The following ALDH3A2 variants were observed in gnomAD, a reference collection of about 807,000 sequenced individuals.
The protein encoded by ALDH3A2 is aldehyde dehydrogenase family 3 member A2.
In ALDH3A2, 36 loss-of-function variants were observed where a neutral mutation model predicts 51.3. The observed-to-expected ratio is 0.70, with a 90% CI of 0.54 to 0.93. The LOEUF (loss-of-function observed/expected upper bound fraction) is 0.93, where lower values mean the gene tolerates loss of function less well. Among genes scored for constraint, ALDH3A2 ranks in the 40% least tolerant of loss-of-function variants. ALDH3A2 has a pLI of 0.00. For missense variants in ALDH3A2, 552 were observed against 603.1 expected (o/e 0.92, Z 0.89); for synonymous variants, 199 against 219.8 (o/e 0.91, Z 0.84).
intron 8 of ALDH3A2, among the ~76,000 whole-genome samples, chr17:19,670,563 CTTT>C (rs112210347): frequency 2.2e-5 from 3 of 137,608 alleles, no homozygotes; most frequent in East Asian, 2.1e-4. Flanking sequence ...CTCCCTTATT[CTTT>C]TTTTTTTTTT....
intron 1 of ALDH3A2, among the ~76,000 whole-genome samples, chr17:19,650,385 A>G (rs1241042163): frequency 6.6e-6 from 1 of 151,998 alleles, no homozygotes; most frequent in Non-Finnish European, 1.5e-5. Context: ...AGGCTCAAGC[A>G]GTCCTCCTGC....
At chr17:19,656,643 C>G in intron 4 of ALDH3A2, 69 bp downstream of exon 4, 1 of 1,431,932 alleles carries the variant, frequency 7.0e-7, no homozygotes, top group South Asian at 1.2e-5. Flanking sequence ...CAATGTTACT[C>G]TTTGTACTTG....
At chr17:19,648,240 G>GACTA (rs1385870132), upstream of ALDH3A2, 1 of 152,406 alleles carries the variant, frequency 6.6e-6, no homozygotes, top group Non-Finnish European at 1.5e-5. Flanking sequence ...CGCCCTCAGG[G>GACTA]ACTAGCTCTC....
rs375078986 is a variant in ALDH3A2 at position 19,661,284 on chromosome 17, C to G, written c.940+16C>G. 6.8e-6 allele frequency: 11 copies of G among 1,613,926 alleles called. No individual in the cohort carries two copies. The African/African-American group carries it at 1.1e-4, about 16-fold the overall frequency. The stretch of plus-strand genomic sequence containing the variant: ...CGCTACATAGGTAATGGAAATTCTC[C>G]TTTTCCTATGGGAAGATGGCAATTT... On this transcript the variant is annotated intron_variant, in intron 6 of 9. Transcript: ENST00000176643.
At chr17:19,673,270 A>G in intron 9 of ALDH3A2, 1 of 1,613,960 alleles carries the variant, frequency 6.2e-7, no homozygotes, top group Non-Finnish European at 8.5e-7. Flanking sequence ...GTCTGTTAAG[A>G]GTGAGGTAGG....
Position 19,652,532 on chromosome 17 carries a change from TTTTAC to T in ALDH3A2, c.386-10_386-6del, listed in dbSNP as rs768566352. On this transcript the variant is annotated splice_polypyrimidine_tract_variant and intron_variant, in intron 2 of 9. Coordinates refer to ENST00000176643, the MANE Select transcript of ALDH3A2 (RefSeq NM_000382.3). ...AAATATTAGATGATACTGTTCTACT[TTTTAC>T]TTTATTTAGGAAATGCTGTGATTAT... 2 of 1,597,910 alleles carry T rather than the reference TTTTAC, an allele frequency of 1.3e-6. No homozygotes were observed. The highest frequency in any genetic ancestry group is 1.3e-5 in the African/African-American group (1 of 74,572).
At chr17:19,669,217 C>T (rs1342982438) in intron 8 of ALDH3A2, among the ~76,000 whole-genome samples, 1 of 151,842 alleles carries the variant, frequency 6.6e-6, no homozygotes, top group South Asian at 2.1e-4. Context: ...GCAGAAGAAT[C>T]GCTTGAACCT....
Position 19,671,785 on chromosome 17 carries a change from C to T in ALDH3A2, c.1272C>T (p.Pro424=). 2 of 1,614,188 alleles carry T rather than the reference C, an allele frequency of 1.2e-6. No homozygotes were observed. The highest frequency in any genetic ancestry group is 1.7e-6 in the Non-Finnish European group (2 of 1,180,018). ...TTGATACTTTTTCTCATCAGCGTCC[C>T]TGTTTATTAAAAAGTTTAAAGAGAG... is the stretch of plus-strand genomic sequence containing the variant. ...HSFDTFSHQR[P]CLLKSLKREG... is the part of the protein sequence containing the mutation. The change falls in exon 9 of 10, where the codon CCC becomes CCT. Residue 424 remains proline, a synonymous_variant. Transcript: ENST00000176643.
chr17:19,673,181 C>T, intron 9 of ALDH3A2: 1 of 1,614,122 alleles, frequency 6.2e-7, no homozygotes, highest in Non-Finnish European at 8.5e-7. Flanking sequence ...GAGAAAGGCC[C>T]TGTTGATTTT....
chr17:19,670,964 AGCCTGGCCT>A (rs2085105046), intron 8 of ALDH3A2, among the ~76,000 whole-genome samples: 2 of 152,098 alleles, frequency 1.3e-5, no homozygotes, highest in Non-Finnish European at 2.9e-5. Context: ...TCCTTCCTGC[AGCCTGGCCT>A]TGGTAAACTG....
rs1324115792 is a variant in ALDH3A2 at position 19,673,226 on chromosome 17, CAG to C, written c.1443+1274_1443+1275del. ...TCACAGACTGCGTTGGTCCAGTAAG[CAG>C]AGATGAACACCAGATTTCAAAACCC... On this transcript the variant is annotated intron_variant, in intron 9 of 9. Coordinates refer to ENST00000176643, the MANE Select transcript of ALDH3A2 (RefSeq NM_000382.3). 2 of 1,614,094 alleles carry C rather than the reference CAG, an allele frequency of 1.2e-6. No homozygotes were observed. Among genetic ancestry groups the C allele is most frequent in the Admixed American group, 1.7e-5 (1 of 60,018 alleles).
Position 19,648,780 on chromosome 17 carries a change from T to C in ALDH3A2, c.-192T>C. 6.8e-6 allele frequency: 5 copies of C among 733,022 alleles called. No individual in the cohort carries two copies. The highest frequency in any genetic ancestry group is 1.1e-5 in the Non-Finnish European group (5 of 449,554). 45.4% of individuals were successfully genotyped at this position (733,022 alleles called of 1,614,324 possible). ...CTCCCCCGGCGCCTCCGACTGGCAG[T>C]GGGACTCAGCGGGCGTGGAGGTCGC... On this transcript the variant is annotated 5_prime_UTR_variant, in exon 1 of 10. Coordinates refer to ENST00000176643, the MANE Select transcript of ALDH3A2 (RefSeq NM_000382.3).
chr17:19,650,752 C>T (rs2152326197), intron 1 of ALDH3A2, among the ~76,000 whole-genome samples: 1 of 152,310 alleles, frequency 6.6e-6, no homozygotes, highest in South Asian at 2.1e-4. Flanking sequence ...CGTGCCTGGC[C>T]TATCATCTTG....
chr17:19,670,947 G>A (rs1443637848), intron 8 of ALDH3A2, among the ~76,000 whole-genome samples: 1 of 152,122 alleles, frequency 6.6e-6, no homozygotes, highest in Non-Finnish European at 1.5e-5. Context: ...CCTGCTTCAT[G>A]AATGATTCCT....
chr17:19,656,027 C>T, intron 3 of ALDH3A2: 2 of 369,618 alleles, frequency 5.4e-6, no homozygotes, highest in South Asian at 4.5e-5. Context: ...GTGGGAGCCA[C>T]TCTTCACCAG....
At chr17:19,660,803 G>A (rs2084955986) in intron 5 of ALDH3A2, among the ~76,000 whole-genome samples, 1 of 152,230 alleles carries the variant, frequency 6.6e-6, no homozygotes, top group Admixed American at 6.5e-5. Flanking sequence ...TGCAGAGCAA[G>A]ACTTCTTTCC....
chr17:19,663,353 G>A lies in ALDH3A2; in HGVS notation c.961G>A (p.Val321Ile). The A allele has an allele frequency of 6.2e-7, 1 of 1,614,092 alleles. No individual in the cohort carries two copies. Among genetic ancestry groups the A allele is most frequent in the Non-Finnish European group, 8.5e-7 (1 of 1,180,006 alleles). ...TTTAGCCCCAACAGTACTTACCGAT[G>A]TTGATCCTAAAACCAAGGTGATGCA... Reference protein sequence around the residue: ...RYIAPTVLTDVDPKTKVMQEE... With the variant: ...RYIAPTVLTDIDPKTKVMQEE... Residue 321 changes from valine to isoleucine, a missense_variant, in exon 7 of 10, where the codon GTT becomes ATT. Transcript: ENST00000176643.
chr17:19,657,715 A>C (rs747669738), intron 4 of ALDH3A2, 30 bp from the exon 5 acceptor site: 2 of 1,338,078 alleles, frequency 1.5e-6, no homozygotes, highest in African/African-American at 2.9e-5. Context: ...TTACTGAATT[A>C]TATAGCTGTT....
chr17:19,664,142 A>G (rs1261026495), intron 7 of ALDH3A2, among the ~76,000 whole-genome samples: 2 of 152,198 alleles, frequency 1.3e-5, no homozygotes. Context: ...TTGTGAGACT[A>G]TTGAGATACA....
Sources: allele counts gnomAD v4.1 joint callset (sites outside exome capture counted in the v4.1 genomes callset), GRCh38; gene constraint gnomAD v4.1.1; transcripts MANE v1.5; gene names NCBI Gene and HGNC (gene_info 2026-07-23, HGNC 2026-07-21).